The following F13A1 variants were observed in gnomAD, a reference collection of about 807,000 sequenced individuals.
F13A1 encodes coagulation factor XIII A chain.
F13A1 carries 47 observed loss-of-function variants against 80.1 expected under a neutral mutation model. The observed-to-expected ratio is 0.59, with a 90% CI of 0.46 to 0.75. F13A1 has a LOEUF of 0.75. Ranked by LOEUF, F13A1 falls within the 30% of genes least tolerant of loss-of-function variation. F13A1 has a pLI of 0.00. For synonymous variants in F13A1, 349 were observed against 344.9 expected (o/e 1.01, Z -0.13); for missense variants, 817 against 930.4 (o/e 0.88, Z 1.59).
intron 3 of F13A1, among the ~76,000 whole-genome samples, chr6:6,275,001 G>A (rs1196923885): frequency 1.3e-5 from 2 of 152,192 alleles, no homozygotes; most frequent in African/African-American, 2.4e-5. Flanking sequence ...TATGTAGAGT[G>A]TGTCCTAGGG....
chr6:6,230,568 T>C (rs1447722144), intron 6 of F13A1, among the ~76,000 whole-genome samples: 4 of 152,136 alleles, frequency 2.6e-5, no homozygotes, highest in African/African-American at 9.7e-5. Flanking sequence ...TGCCCACCAC[T>C]GGTTCCTCCC....
intron 4 of F13A1, among the ~76,000 whole-genome samples, chr6:6,261,269 G>A (rs1757777077): frequency 6.6e-6 from 1 of 152,152 alleles, no homozygotes; most frequent in Admixed American, 6.5e-5. Context: ...GCCCGGCCCT[G>A]CCTCTTGAGT....
rs1417492684 is a variant in F13A1, at chr6:6,237,419, GGGTCACATACTT to G, written c.798+10881_798+10892del. Among the ~76,000 whole-genome samples the G allele has an allele frequency of 3.3e-5, 5 of 152,248 alleles. No homozygotes were observed. In the East Asian group the frequency reaches 9.7e-4, roughly 29 times the overall value. ...GCTTTTATGGCACTTACAACAGCCA[GGGTCACATACTT>G]GGTCGAAAGGAAAGGAAAATCATCT... On this transcript the variant is annotated intron_variant, in intron 6 of 14. Coordinates refer to ENST00000264870, the MANE Select transcript of F13A1 (RefSeq NM_000129.4).
At chr6:6,160,784 AAAAT>A in intron 13 of F13A1, among the ~76,000 whole-genome samples, 1 of 152,358 alleles carries the variant, frequency 6.6e-6, no homozygotes, top group Middle Eastern at 3.4e-3. Flanking sequence ...GCTAATGGAC[AAAAT>A]AAATACAGAG....
chr6:6,285,043 A>G (rs570775058), intron 3 of F13A1, among the ~76,000 whole-genome samples: 7 of 152,356 alleles, frequency 4.6e-5, no homozygotes, highest in Admixed American at 4.6e-4. Context: ...CAAAAGTTTG[A>G]AACCAGCCTG....
At chr6:6,207,875 C>T (rs557091564) in intron 8 of F13A1, among the ~76,000 whole-genome samples, 71 of 152,232 alleles carry the variant, frequency 4.7e-4, no homozygotes, top group African/African-American at 1.3e-3. Context: ...ACTAAATAAA[C>T]GAGCAGCAGC....
chr6:6,289,782 C>T (rs2113155230), intron 3 of F13A1, among the ~76,000 whole-genome samples: 1 of 152,100 alleles, frequency 6.6e-6, no homozygotes, highest in South Asian at 2.1e-4. Flanking sequence ...CATCAGTGTG[C>T]TTCCAAAATG....
intron 12 of F13A1, among the ~76,000 whole-genome samples, chr6:6,172,368 T>C (rs1356783883): frequency 2.6e-5 from 4 of 152,218 alleles, no homozygotes; most frequent in Admixed American, 6.5e-5. Context: ...ACACTGACTA[T>C]TCTTTTCCAT....
At chr6:6,265,911 G>T (rs574096537) in intron 4 of F13A1, among the ~76,000 whole-genome samples, 162 of 152,258 alleles carry the variant, frequency 1.1e-3, no homozygotes, top group African/African-American at 3.6e-3. Context: ...GTGTACAGAG[G>T]TTATACTGTC....
chr6:6,244,002 G>A (rs1349943100), intron 6 of F13A1, among the ~76,000 whole-genome samples: 3 of 152,178 alleles, frequency 2.0e-5, no homozygotes, highest in East Asian at 1.9e-4. Context: ...AGGTAACCAC[G>A]CCGCAGTAAT....
intron 6 of F13A1, among the ~76,000 whole-genome samples, chr6:6,245,836 G>A (rs1472901591): frequency 6.6e-6 from 1 of 152,196 alleles, no homozygotes; most frequent in Admixed American, 6.5e-5. Flanking sequence ...AGATCTATGT[G>A]CTATTTCTTC....
At chr6:6,303,449 A>ATCGGGATGTGATGTTTGG (rs1207223977) in intron 3 of F13A1, among the ~76,000 whole-genome samples, 1 of 152,172 alleles carries the variant, frequency 6.6e-6, no homozygotes, top group African/African-American at 2.4e-5. Context: ...TGATGTTTTG[A>ATCGGGATGTGATGTTTGG]TCAATATGTG....
At chr6:6,192,700 G>A (rs1290734960) in intron 10 of F13A1, among the ~76,000 whole-genome samples, 1 of 152,196 alleles carries the variant, frequency 6.6e-6, no homozygotes, top group Non-Finnish European at 1.5e-5. Context: ...AGCAGAGGAG[G>A]GCTTAGCTTC....
chr6:6,297,775 C>A (rs1465190690), intron 3 of F13A1, among the ~76,000 whole-genome samples: 10 of 149,476 alleles, frequency 6.7e-5, no homozygotes, highest in Non-Finnish European at 1.0e-4. Flanking sequence ...TTAGTTATTT[C>A]TTGCCTTCTG....
intron 6 of F13A1, among the ~76,000 whole-genome samples, chr6:6,241,629 C>T (rs1456642559): frequency 6.6e-6 from 1 of 151,976 alleles, no homozygotes; most frequent in Admixed American, 6.6e-5. Context: ...TACGACCGTT[C>T]ACTCCAAAAA....
chr6:6,280,341 G>A (rs1183465197), intron 3 of F13A1, among the ~76,000 whole-genome samples: 1 of 152,178 alleles, frequency 6.6e-6, no homozygotes, highest in Non-Finnish European at 1.5e-5. Context: ...GAGAATAACA[G>A]AGCAAGAGTA....
At chr6:6,279,519 G>A (rs768578279) in intron 3 of F13A1, among the ~76,000 whole-genome samples, 1 of 152,188 alleles carries the variant, frequency 6.6e-6, no homozygotes, top group Admixed American at 6.5e-5. Flanking sequence ...CCCAAGGGGT[G>A]GAGAGGGACT....
chr6:6,221,972 G>A, intron 8 of F13A1, 61 bp downstream of exon 8: 1 of 1,579,206 alleles, frequency 6.3e-7, no homozygotes, highest in Non-Finnish European at 8.7e-7. Flanking sequence ...TCTATCTTGT[G>A]GTAAATGTGT....
intron 3 of F13A1, among the ~76,000 whole-genome samples, chr6:6,289,220 T>C (rs561074633): frequency 7.9e-5 from 12 of 152,260 alleles, no homozygotes; most frequent in South Asian, 4.1e-4. Context: ...CTGCTATCCA[T>C]GGTGGAGCTC....
Sources: gnomAD v4.1 joint callset for allele counts (sites outside exome capture counted in the v4.1 genomes callset) on GRCh38, gnomAD v4.1.1 for gene constraint, MANE v1.5 for transcripts, NCBI Gene and HGNC (gene_info 2026-07-23, HGNC 2026-07-21) for gene names.